The following ROBO2 variants were observed in gnomAD, a reference collection of about 807,000 sequenced individuals.
ROBO2 encodes the protein roundabout guidance receptor 2.
In ROBO2, 53 loss-of-function variants were observed where a neutral mutation model predicts 160.8. The observed-to-expected ratio is 0.33, with a 90% CI of 0.26 to 0.41. The LOEUF (loss-of-function observed/expected upper bound fraction) is 0.41. Ranked by LOEUF, ROBO2 falls within the 10% of genes least tolerant of loss-of-function variation. The pLI, the probability that ROBO2 is intolerant of heterozygous loss-of-function variation, is 1.00. For synonymous variants in ROBO2, 664 were observed against 611.7 expected, an observed-to-expected ratio of 1.09 and a Z score of -1.26; for missense variants, 1,577 against 1,722.4, an observed-to-expected ratio of 0.92 and a Z score of 1.49.
At chr3:77,316,932 CT>C (rs2064055495) in intron 2 of ROBO2, 1 of 1,261,624 alleles carries the variant, frequency 7.9e-7, no homozygotes, top group Admixed American at 1.7e-5. Context: ...CAGTCTGATA[CT>C]TGGCTGCTGT....
intron 2 of ROBO2, among the ~76,000 whole-genome samples, chr3:77,213,493 C>T (rs190879502): frequency 6.0e-4 from 92 of 152,094 alleles, no homozygotes; most frequent in African/African-American, 2.0e-3. Flanking sequence ...GTCCTGCTAG[C>T]GGTCTATCAA....
chr3:76,533,589 G>A (rs1292202199), intron 2 of ROBO2, among the ~76,000 whole-genome samples: 13 of 152,176 alleles, frequency 8.5e-5, no homozygotes, highest in South Asian at 2.1e-4. Context: ...ACACGAGTCC[G>A]TATAGAAGAC....
At chr3:77,029,973 T>G (rs975621491) in intron 2 of ROBO2, among the ~76,000 whole-genome samples, 1 of 150,712 alleles carries the variant, frequency 6.6e-6, no homozygotes, top group African/African-American at 2.4e-5. Flanking sequence ...TGAGACAGAG[T>G]CTCGCTCTGT....
intron 1 of ROBO2, among the ~76,000 whole-genome samples, chr3:77,082,468 G>A (rs1029196326): frequency 1.3e-5 from 2 of 152,128 alleles, no homozygotes; most frequent in African/African-American, 2.4e-5. Flanking sequence ...ATCTTTTTTA[G>A]CCCCTGTGAG....
intron 2 of ROBO2, among the ~76,000 whole-genome samples, chr3:76,335,036 AT>A (rs1369427161): frequency 6.6e-6 from 1 of 151,570 alleles, no homozygotes; most frequent in Non-Finnish European, 1.5e-5. Context: ...TTAAAAAAAA[AT>A]TTTTTTTGTT....
intron 2 of ROBO2, among the ~76,000 whole-genome samples, chr3:76,501,833 C>T (rs561917061): frequency 2.0e-5 from 3 of 152,220 alleles, no homozygotes; most frequent in African/African-American, 4.8e-5. Flanking sequence ...GAGTAGTTCA[C>T]GTCTAACAGC....
At chr3:76,463,422 C>T (rs975908183) in intron 2 of ROBO2, among the ~76,000 whole-genome samples, 1 of 152,068 alleles carries the variant, frequency 6.6e-6, no homozygotes. Context: ...TGCAGCTAAT[C>T]CTAGGTTCAC....
intron 2 of ROBO2, among the ~76,000 whole-genome samples, chr3:77,140,060 A>G (rs2076583232): frequency 6.6e-6 from 1 of 152,214 alleles, no homozygotes; most frequent in Non-Finnish European, 1.5e-5. Context: ...ACATAGTTCC[A>G]GGCAGATTTT....
At chr3:76,851,134 A>G (rs1240439403) in intron 2 of ROBO2, among the ~76,000 whole-genome samples, 1 of 152,170 alleles carries the variant, frequency 6.6e-6, no homozygotes, top group African/African-American at 2.4e-5. Flanking sequence ...AATTGGCTAA[A>G]TATCTGGTCT....
chr3:75,920,518 G>A (rs1415776246), intron 1 of ROBO2, among the ~76,000 whole-genome samples: 1 of 152,128 alleles, frequency 6.6e-6, no homozygotes, highest in African/African-American at 2.4e-5. Context: ...GATTTGGGGT[G>A]GAGAGTTCTG....
intron 5 of ROBO2, among the ~76,000 whole-genome samples, chr3:77,519,265 A>G (rs930893961): frequency 6.6e-6 from 1 of 151,458 alleles, no homozygotes; most frequent in Admixed American, 6.6e-5. Context: ...AAAATGATAA[A>G]AAAATCTCAG....
In ROBO2 at chr3:76,377,424, G is replaced by A. The variant is rs190303230; in HGVS notation, c.109+439822G>A. 1.2e-3 allele frequency among the ~76,000 whole-genome samples: 180 copies of A among 152,136 alleles called. 1 individual carries two copies. The highest frequency in any genetic ancestry group is 4.1e-3 in the African/African-American group (172 of 41,526). ...TTTTTGAGAAGTTATTGCTTTCTGTGCAAGAGTCCTGCACACAGAAAAAAA... is the reference window on the plus strand; with the variant it reads ...TTTTTGAGAAGTTATTGCTTTCTGTACAAGAGTCCTGCACACAGAAAAAAA... On this transcript the variant is annotated intron_variant, in intron 2 of 26. Transcript: ENST00000487694.
At chr3:76,202,952 T>C (rs1702607540) in intron 2 of ROBO2, among the ~76,000 whole-genome samples, 1 of 152,026 alleles carries the variant, frequency 6.6e-6, no homozygotes, top group Non-Finnish European at 1.5e-5. Flanking sequence ...GTTGAAATAC[T>C]TTAGTAGCTG....
chr3:76,169,906 G>A (rs780076304), intron 2 of ROBO2, among the ~76,000 whole-genome samples: 61 of 151,820 alleles, frequency 4.0e-4, no homozygotes, highest in Non-Finnish European at 6.3e-4. Context: ...TCAGCCTCCC[G>A]AGTAGCTGGG....
At chr3:77,443,467 T>C (rs1467893365) in intron 2 of ROBO2, among the ~76,000 whole-genome samples, 3 of 152,172 alleles carry the variant, frequency 2.0e-5, no homozygotes, top group Non-Finnish European at 4.4e-5. Context: ...GCAGTTCTAG[T>C]ATATTTTATA....
At chr3:76,445,161 A>C (rs561686043) in intron 2 of ROBO2, among the ~76,000 whole-genome samples, 7 of 152,314 alleles carry the variant, frequency 4.6e-5, no homozygotes, top group South Asian at 2.1e-4. Context: ...GAATAAACTT[A>C]TTTATTACAT....
intron 16 of ROBO2, among the ~76,000 whole-genome samples, chr3:77,583,728 GCC>G (rs2093975172): frequency 6.6e-6 from 1 of 151,978 alleles, no homozygotes; most frequent in African/African-American, 2.4e-5. Flanking sequence ...ATTTTCACAT[GCC>G]TAGTAATTTT....
At chr3:76,735,801 G>T (rs375601087) in intron 2 of ROBO2, among the ~76,000 whole-genome samples, 3 of 119,192 alleles carry the variant, frequency 2.5e-5, no homozygotes, top group African/African-American at 5.8e-5. Flanking sequence ...AAAGGGAAAA[G>T]AAAAAAGAAA....
At chr3:75,912,278 T>A (rs1419854482) in intron 1 of ROBO2, among the ~76,000 whole-genome samples, 1 of 152,242 alleles carries the variant, frequency 6.6e-6, no homozygotes, top group African/African-American at 2.4e-5. Context: ...AGTTTTATGC[T>A]GTCATTCTGT....
Sources: gnomAD v4.1 joint callset for allele counts (sites outside exome capture counted in the v4.1 genomes callset) on GRCh38, gnomAD v4.1.1 for gene constraint, MANE v1.5 for transcripts, NCBI Gene and HGNC (gene_info 2026-07-23, HGNC 2026-07-21) for gene names.